CPNE7: variants seen among roughly 807,000 people sequenced by gnomAD.
CPNE7 encodes copine-7.
In CPNE7, 78 loss-of-function variants were observed where a neutral mutation model predicts 66.5. The ratio of observed to expected loss-of-function variants is 1.17; its 90% CI spans 0.98 to 1.42. The LOEUF is 1.42. CPNE7 is among the 40% of genes most tolerant of loss of function. The probability of loss-of-function intolerance (pLI) is 0.00; values close to 1 mark genes in which losing one functional copy is unlikely to be tolerated. For missense variants in CPNE7, 1,012 were observed against 776.6 expected, an observed-to-expected ratio of 1.30 and a Z score of -3.60; for synonymous variants, 468 against 336.7, an observed-to-expected ratio of 1.39 and a Z score of -4.27.
At chr16:89,579,169 G>A (rs1224362715) in intron 2 of CPNE7, among the ~76,000 whole-genome samples, 1 of 151,992 alleles carries the variant, frequency 6.6e-6, no homozygotes, top group Non-Finnish European at 1.5e-5. Flanking sequence ...GTGCGTGCCT[G>A]TAGTCCCAGC....
chr16:89,584,049 G>A lies in CPNE7; in HGVS notation c.454G>A (p.Gly152Arg), dbSNP rs752736185. ...CCAGGTGATCGCCGAGGACATCTCG[G>A]GGAACAACGGCTACGTGGAGCTCTC... ...TITVIAEDIS[G>R]NNGYVELSFR... The change falls in exon 4 of 15, where the codon GGG becomes AGG. Residue 152 changes from glycine (G) to arginine (R), a missense_variant. Transcript: ENST00000319518. This position sits in a 1 kb window ranked among gnomAD's most constrained non-coding sequence, Gnocchi z 6.0. The A allele has an allele frequency of 6.2e-7, 1 of 1,612,220 alleles. No homozygotes were observed.
intron 13 of CPNE7, among the ~76,000 whole-genome samples, chr16:89,595,058 G>C (rs2059232167): frequency 6.6e-6 from 1 of 152,052 alleles, no homozygotes; most frequent in African/African-American, 2.4e-5. Flanking sequence ...TCTGGCCTCA[G>C]ACCTCCCATC....
In CPNE7 at chr16:89,596,693, G is replaced by A; in HGVS notation, c.*72G>A. On this transcript the variant is annotated 3_prime_UTR_variant, in exon 15 of 15. Transcript: ENST00000319518. ...AGCCTCTGTCTGCAACATGCTTGGG[G>A]TCCCTTAAGCTCCCTCCGACCTCCC... is the stretch of plus-strand genomic sequence containing the variant. 1.4e-6 allele frequency: 2 copies of A among 1,451,410 alleles called. No homozygotes were observed. Among genetic ancestry groups the A allele is most frequent in the Non-Finnish European group, 9.0e-7 (1 of 1,105,202 alleles). 89.9% of individuals were successfully genotyped at this position (1,451,410 alleles called of 1,614,324 possible).
At chr16:89,585,324 G>T in intron 5 of CPNE7, 140 bp from the exon 6 acceptor site, 1 of 645,210 alleles carries the variant, frequency 1.5e-6, no homozygotes. Flanking sequence ...CCCAGCTCAG[G>T]GCCCCGGCGC....
intron 9 of CPNE7, 21 bp downstream of exon 9, chr16:89,587,123 C>A (rs1597706315): frequency 2.1e-6 from 3 of 1,453,640 alleles, no homozygotes; most frequent in Non-Finnish European, 2.8e-6. Flanking sequence ...GGCCCCGCCC[C>A]ATGCCGCCCC....
At chr16:89,587,666 C>CCCATA in intron 9 of CPNE7, 1 of 424,326 alleles carries the variant, frequency 2.4e-6, no homozygotes, top group South Asian at 1.6e-5. Context: ...CCATGTCACC[C>CCCATA]GCAGACCCCG....
chr16:89,579,339 G>A (rs190949732), intron 2 of CPNE7, among the ~76,000 whole-genome samples: 114 of 152,168 alleles, frequency 7.5e-4, no homozygotes, highest in African/African-American at 2.7e-3. Context: ...TAAGGGTTGA[G>A]AATGACAAGT....
chr16:89,596,263 A>C (rs946619506), intron 14 of CPNE7, among the ~76,000 whole-genome samples: 27 of 152,156 alleles, frequency 1.8e-4, no homozygotes, highest in African/African-American at 6.3e-4. Flanking sequence ...CCGTGTCAGC[A>C]CTTTTCATCT....
chr16:89,587,637 C>A, intron 9 of CPNE7: 3 of 450,134 alleles, frequency 6.7e-6, no homozygotes, highest in South Asian at 4.7e-5. Context: ...AGGAGCCCGG[C>A]ACAGACCCCG....
rs770099552 is a variant in CPNE7 at position 89,583,790 on chromosome 16, C to G, written c.432+19C>G. ...CATCACGGTGAGACCCGGGCGCACC[C>G]CTGCAGCCTGCAGGCCCTGCTGCTG... On this transcript the variant is annotated intron_variant, in intron 3 of 14. Coordinates refer to ENST00000319518, the MANE Select transcript of CPNE7 (RefSeq NM_153636.3). 1 of 1,611,210 alleles carries G rather than the reference C, an allele frequency of 6.2e-7. No individual in the cohort carries two copies. The highest frequency in any genetic ancestry group is 2.2e-5 in the East Asian group (1 of 44,856).
In CPNE7 at chr16:89,585,576, G is replaced by A. The variant is rs200402988; in HGVS notation, c.681+23G>A. 1.1e-4 allele frequency: 181 copies of A among 1,596,214 alleles called. 1 individual carries two copies. In the African/African-American group the frequency reaches 1.6e-3, roughly 14 times the overall value. ...AAGGTGGGGGACGGGATGGACCAAG[G>A]GGGCAGTGAGGGGGTGGCCTGGATG... On this transcript the variant is annotated intron_variant, in intron 6 of 14. Coordinates refer to ENST00000319518, the MANE Select transcript of CPNE7 (RefSeq NM_153636.3).
intron 14 of CPNE7, chr16:89,595,894 T>C (rs1364045013): frequency 6.9e-6 from 4 of 581,582 alleles, no homozygotes; most frequent in African/African-American, 1.8e-5. Flanking sequence ...TGCCAACCTC[T>C]GCGACCCGGC....
At chr16:89,586,897 G>C in intron 8 of CPNE7, 141 bp downstream of exon 8, 1 of 1,089,118 alleles carries the variant, frequency 9.2e-7, no homozygotes, top group South Asian at 1.3e-5. Flanking sequence ...GGGGAAGGGC[G>C]AGGTTGGGGA....
chr16:89,577,970 C>T (rs532093668), intron 2 of CPNE7, among the ~76,000 whole-genome samples: 1 of 152,348 alleles, frequency 6.6e-6, no homozygotes, highest in African/African-American at 2.4e-5. Context: ...CCTGCCCCAT[C>T]CAGCTGCTGC....
chr16:89,595,740 TC>T (rs930380685), intron 14 of CPNE7, 137 bp downstream of exon 14: 4 of 816,232 alleles, frequency 4.9e-6, no homozygotes, highest in Non-Finnish European at 8.4e-6. Context: ...CCTGGGCTGT[TC>T]CCCCCAGTCA....
rs765900437 is a variant in CPNE7, at chr16:89,596,639, G to C, written c.*18G>C. 3 of 1,580,266 alleles carry C rather than the reference G, an allele frequency of 1.9e-6. No individual in the cohort carries two copies. Among genetic ancestry groups the C allele is most frequent in the Non-Finnish European group, 2.6e-6 (3 of 1,169,546 alleles). ...CACCGTGAAGATGTGGAGGGCGTAG[G>C]GTGGGGGCAGTGAGGAATGGGTCCG... is the stretch of plus-strand genomic sequence containing the variant. On this transcript the variant is annotated 3_prime_UTR_variant, in exon 15 of 15. Coordinates refer to ENST00000319518, the MANE Select transcript of CPNE7 (RefSeq NM_153636.3).
At chr16:89,579,118 A>G (rs996356243) in intron 2 of CPNE7, 4 of 604,970 alleles carry the variant, frequency 6.6e-6, no homozygotes, top group East Asian at 3.3e-5. Context: ...ATGAAACCCC[A>G]TCTCTACTAA....
chr16:89,592,901 C>T lies in CPNE7; in HGVS notation c.1302+1641C>T, dbSNP rs2059197077. Among the ~76,000 whole-genome samples, 6 of 149,218 alleles carry T rather than the reference C, an allele frequency of 4.0e-5. No homozygotes were observed. The South Asian group carries it at 1.3e-3, about 32-fold the overall frequency. On this transcript the variant is annotated intron_variant, in intron 13 of 14. Coordinates refer to ENST00000319518, the MANE Select transcript of CPNE7 (RefSeq NM_153636.3). ...GATCTCGGCTCACTGCAAGCTCCGC[C>T]TCCCGGGTTCACGCCATTCTCCTGA... is the stretch of plus-strand genomic sequence containing the variant.
In CPNE7 at chr16:89,575,866, T is replaced by G; in HGVS notation, c.-32T>G. 8.4e-7 allele frequency: 1 copy of G among 1,190,188 alleles called. No individual in the cohort carries two copies. The highest frequency in any genetic ancestry group is 1.0e-6 in the Non-Finnish European group (1 of 961,368). The allele number at this position is 1,190,188 out of a possible 1,614,324, so 73.7% of individuals were successfully genotyped here. A position where few individuals can be genotyped will look rare whatever the true frequency, so the allele number is the denominator to read the frequency against. On this transcript the variant is annotated 5_prime_UTR_variant, in exon 1 of 15. Transcript: ENST00000319518. The stretch of plus-strand genomic sequence containing the variant: ...CGACTCGCGGGCAGCGGCCCCTCAG[T>G]GCGCCCAGCCGGGCCCCCGAACGCC...
Sources: allele counts gnomAD v4.1 joint callset (sites outside exome capture counted in the v4.1 genomes callset), GRCh38; gene constraint gnomAD v4.1.1; non-coding constraint Gnocchi (gnomAD v3.1); transcripts MANE v1.5; gene names NCBI Gene and HGNC (gene_info 2026-07-23, HGNC 2026-07-21).